Variants in PAN3 observed in about 807,000 individuals in gnomAD.
PAN3 encodes poly(A) specific ribonuclease subunit PAN3, also known as PAN2-PAN3 deadenylation complex subunit PAN3.
PAN3 carries 19 observed loss-of-function variants against 96.2 expected under a neutral mutation model. The ratio of observed to expected loss-of-function variants is 0.20; its 90% CI spans 0.14 to 0.29. The LOEUF (loss-of-function observed/expected upper bound fraction) is 0.29, where lower values mean the gene tolerates loss of function less well. Among genes scored for constraint, PAN3 ranks in the 10% least tolerant of loss-of-function variants. The probability of loss-of-function intolerance (pLI) is 1.00; values close to 1 mark genes in which losing one functional copy is unlikely to be tolerated. For missense variants in PAN3, 882 were observed against 1,108.1 expected (o/e 0.80, Z 2.90); for synonymous variants, 433 against 406.6 (o/e 1.06, Z -0.78).
chr13:28,264,912 ACTT>A (rs1381863063), intron 9 of PAN3, among the ~76,000 whole-genome samples: 1 of 152,184 alleles, frequency 6.6e-6, no homozygotes, highest in Non-Finnish European at 1.5e-5. Flanking sequence ...AGCGAATTGT[ACTT>A]CTTAAATGGC....
chr13:28,231,827 A>C (rs1882586665), intron 6 of PAN3, among the ~76,000 whole-genome samples: 1 of 152,158 alleles, frequency 6.6e-6, no homozygotes, highest in Non-Finnish European at 1.5e-5. Flanking sequence ...GATTGAGCTC[A>C]GGAGTTCAAG....
At chr13:28,200,230 A>G (rs1396542801) in intron 5 of PAN3, among the ~76,000 whole-genome samples, 4 of 152,222 alleles carry the variant, frequency 2.6e-5, no homozygotes, top group South Asian at 2.1e-4. Flanking sequence ...ATGCATCCAT[A>G]GTTGTATAGA....
intron 1 of PAN3, among the ~76,000 whole-genome samples, chr13:28,171,759 G>A (rs765554850): frequency 3.3e-5 from 5 of 152,152 alleles, no homozygotes; most frequent in Non-Finnish European, 4.4e-5. Flanking sequence ...TTTTATGGAC[G>A]CTTCATCTCG....
chr13:28,185,543 G>A (rs916680128), intron 4 of PAN3, among the ~76,000 whole-genome samples: 1 of 152,118 alleles, frequency 6.6e-6, no homozygotes, highest in East Asian at 1.9e-4. Flanking sequence ...ATTCATGATT[G>A]TAGGAGAATT....
At chr13:28,215,742 G>T in intron 5 of PAN3, 1 of 1,496,436 alleles carries the variant, frequency 6.7e-7, no homozygotes, top group Non-Finnish European at 9.1e-7. Flanking sequence ...GCCCATGTGT[G>T]CTGAGAGCTT....
chr13:28,186,881 C>A (rs567238231), intron 4 of PAN3, among the ~76,000 whole-genome samples: 1 of 152,140 alleles, frequency 6.6e-6, no homozygotes, highest in Admixed American at 6.5e-5. Flanking sequence ...ATGATCATTA[C>A]AATTGATAGA....
At chr13:28,210,704 TTGTA>T (rs1278596022) in intron 5 of PAN3, among the ~76,000 whole-genome samples, 6 of 152,196 alleles carry the variant, frequency 3.9e-5, no homozygotes, top group Admixed American at 2.6e-4. Flanking sequence ...TTGGCCATAT[TTGTA>T]TGTGCTTGAA....
intron 5 of PAN3, among the ~76,000 whole-genome samples, chr13:28,207,304 G>A (rs1879492898): frequency 6.6e-6 from 1 of 152,110 alleles, no homozygotes; most frequent in Non-Finnish European, 1.5e-5. Flanking sequence ...TACTCTGTTA[G>A]TTATAATGTA....
At position 28,138,576 on chromosome 13, in the gene PAN3, C is replaced by G; in HGVS notation, c.-82C>G. 4.5e-6 allele frequency: 2 copies of G among 446,444 alleles called. No homozygotes were observed. The highest frequency in any genetic ancestry group is 3.9e-6 in the Non-Finnish European group (1 of 257,546). The allele number at this position is 446,444 out of a possible 1,614,324, so 27.7% of individuals were successfully genotyped here. ...CCAGGCTTTTATCCGGCACCGGCAG[C>G]GTCTTCCTTTCCTCCCCCGTCTATG... On this transcript the variant is annotated 5_prime_UTR_variant, in exon 1 of 19. Transcript: ENST00000380958.
At chr13:28,223,994 G>A (rs1042713800) in intron 6 of PAN3, among the ~76,000 whole-genome samples, 1 of 147,936 alleles carries the variant, frequency 6.8e-6, no homozygotes, top group South Asian at 2.1e-4. Flanking sequence ...TCAGCCTCGC[G>A]AGTAGCTGGG....
At chr13:28,195,332 A>G (rs976258245) in intron 4 of PAN3, among the ~76,000 whole-genome samples, 1 of 152,060 alleles carries the variant, frequency 6.6e-6, no homozygotes, top group African/African-American at 2.4e-5. Context: ...GAGCCCCTGA[A>G]GCAGAGGTTG....
intron 18 of PAN3, 115 bp downstream of exon 18, chr13:28,288,237 T>C: frequency 1.1e-6 from 1 of 899,622 alleles, no homozygotes; most frequent in Non-Finnish European, 1.6e-6. Context: ...TAAAGTAGCC[T>C]GTAAGACGTT....
In PAN3 at chr13:28,239,532, G is replaced by A. The variant is rs45559638; in HGVS notation, c.1001-16760G>A. 349 of 1,104,198 alleles carry A rather than the reference G, an allele frequency of 3.2e-4. 3 individuals are homozygous for A. In the African/African-American group the frequency reaches 5.4e-3, roughly 17 times the overall value. 68.4% of individuals were successfully genotyped at this position (1,104,198 alleles called of 1,614,324 possible). On this transcript the variant is annotated intron_variant, in intron 6 of 18. Transcript: ENST00000380958. Reference sequence around the variant, plus strand: ...TCCTTTCCACTTGGGTGTTGAAAGAGCTTATGAGCAGTAGCTGTTCTGATT... The same window carrying A: ...TCCTTTCCACTTGGGTGTTGAAAGAACTTATGAGCAGTAGCTGTTCTGATT...
At chr13:28,229,313 T>C (rs1455546306) in intron 6 of PAN3, among the ~76,000 whole-genome samples, 1 of 152,224 alleles carries the variant, frequency 6.6e-6, no homozygotes, top group Non-Finnish European at 1.5e-5. Flanking sequence ...GGGAAATGAA[T>C]CTTTCCAGCA....
chr13:28,224,361 A>C (rs1161213632), intron 6 of PAN3, among the ~76,000 whole-genome samples: 1 of 152,152 alleles, frequency 6.6e-6, no homozygotes, highest in Admixed American at 6.5e-5. Flanking sequence ...AGCAGCACAC[A>C]TTTCTGCATG....
chr13:28,220,701 A>G (rs1486025791), intron 6 of PAN3, among the ~76,000 whole-genome samples: 1 of 152,218 alleles, frequency 6.6e-6, no homozygotes, highest in African/African-American at 2.4e-5. Context: ...ACTCAAACTT[A>G]CAAAGGCATC....
rs977060946 is a variant in PAN3, at chr13:28,272,570, CTCTT to C, written c.2049+501_2049+504del. On this transcript the variant is annotated intron_variant, in intron 14 of 18. Transcript: ENST00000380958. ...AGAGAATTCATGACAATGTCAGAGA[CTCTT>C]TTTTTTTTTTTTGAGGCAGAGTTTC... is the stretch of plus-strand genomic sequence containing the variant. Among the ~76,000 whole-genome samples the C allele has an allele frequency of 4.0e-5, 6 of 150,436 alleles. No homozygotes were observed. In the East Asian group the frequency reaches 9.7e-4, roughly 24 times the overall value.
intron 1 of PAN3, among the ~76,000 whole-genome samples, chr13:28,156,269 CTAT>C (rs1872148764): frequency 6.6e-6 from 1 of 152,084 alleles, no homozygotes; most frequent in African/African-American, 2.4e-5. Context: ...CCCTCAGAGA[CTAT>C]TATGAACACC....
intron 4 of PAN3, among the ~76,000 whole-genome samples, chr13:28,196,942 C>T (rs2138230649): frequency 6.6e-6 from 1 of 152,142 alleles, no homozygotes; most frequent in East Asian, 1.9e-4. Context: ...ATGTATTTTT[C>T]TAAAAACATC....
Sources: gnomAD v4.1 joint callset for allele counts (sites outside exome capture counted in the v4.1 genomes callset) on GRCh38, gnomAD v4.1.1 for gene constraint, MANE v1.5 for transcripts, NCBI Gene and HGNC (gene_info 2026-07-23, HGNC 2026-07-21) for gene names.